Variants in TBCK observed in about 807,000 individuals in gnomAD.
The protein encoded by TBCK is TBC domain-containing protein kinase-like protein.
TBCK carries 99 observed loss-of-function variants against 113.4 expected under a neutral mutation model. The ratio of observed to expected loss-of-function variants is 0.87; its 90% CI spans 0.74 to 1.03. The LOEUF (loss-of-function observed/expected upper bound fraction) is 1.03. Ranked by LOEUF, TBCK falls within the 50% of genes least tolerant of loss-of-function variation. The pLI is 0.00. For missense variants in TBCK, 1,045 were observed against 1,061.3 expected (o/e 0.98, Z 0.21); for synonymous variants, 369 against 370.8 (o/e 1.00, Z 0.05).
intron 23 of TBCK, among the ~76,000 whole-genome samples, chr4:106,120,016 G>A (rs1183516255): frequency 1.1e-4 from 16 of 152,294 alleles, no homozygotes; most frequent in African/African-American, 3.6e-4. Flanking sequence ...CCTGAGCGAC[G>A]CAGAAGATGG....
At chr4:106,259,828 TC>T (rs1762335500) in intron 5 of TBCK, among the ~76,000 whole-genome samples, 2 of 151,860 alleles carry the variant, frequency 1.3e-5, no homozygotes. Flanking sequence ...AACACAGAAA[TC>T]CGTATCAAAA....
At position 106,042,720 on chromosome 4, in the gene TBCK, C is replaced by T. The variant is rs1444057373; in HGVS notation, c.*3850G>A. On this transcript the variant is annotated 3_prime_UTR_variant, in exon 26 of 26. Transcript: ENST00000394708. ...ATTTGGAGGAGGAAAGCACAGGAAT[C>T]CAACAAAAATCTGGCACCACTGTGT... is the stretch of plus-strand genomic sequence containing the variant. 6.6e-6 allele frequency: 1 copy of T among 152,090 alleles called. No individual in the cohort carries two copies. The highest frequency in any genetic ancestry group is 6.5e-5 in the Admixed American group (1 of 15,272). 9.4% of individuals were successfully genotyped at this position (152,090 alleles called of 1,614,324 possible). A position where few individuals can be genotyped will look rare whatever the true frequency, so the allele number is the denominator to read the frequency against.
At position 106,257,043 on chromosome 4, in the gene TBCK, T is replaced by TA. The variant is rs35706528; in HGVS notation, c.455+3393dup. Among the ~76,000 whole-genome samples, 25 of 150,466 alleles carry TA rather than the reference T, an allele frequency of 1.7e-4. No homozygotes were observed. In the East Asian group the frequency reaches 1.9e-3, roughly 12 times the overall value. ...GGATATACTCAGTATAGTTTTGCTT[T>TA]AAAAAAAAAATTCCTATAAAAAATA... On this transcript the variant is annotated intron_variant, in intron 5 of 25. Coordinates refer to ENST00000394708, the MANE Select transcript of TBCK (RefSeq NM_001163435.3).
chr4:106,251,801 T>C, intron 6 of TBCK, 65 bp downstream of exon 6: 5 of 1,341,910 alleles, frequency 3.7e-6, no homozygotes, highest in Non-Finnish European at 4.9e-6. Context: ...AACTTTCCTC[T>C]CCAAAAGATT....
At chr4:106,221,089 A>G (rs945747857) in intron 19 of TBCK, among the ~76,000 whole-genome samples, 2 of 152,208 alleles carry the variant, frequency 1.3e-5, no homozygotes, top group East Asian at 1.9e-4. Context: ...ATGGCTAATT[A>G]AGGATCTGCT....
Position 106,107,123 on chromosome 4 carries a change from C to G in TBCK, c.2411+9080G>C, listed in dbSNP as rs185241141. Among the ~76,000 whole-genome samples, 54 of 152,032 alleles carry G rather than the reference C, an allele frequency of 3.6e-4. 2 individuals are homozygous for G. In the East Asian group the frequency reaches 4.6e-3, roughly 13 times the overall value. ...ATATATGAACCCAATACAGGAGCACCCAGATTCATAAAGCAAGTTCTTAGA... is the reference window on the plus strand; with the variant it reads ...ATATATGAACCCAATACAGGAGCACGCAGATTCATAAAGCAAGTTCTTAGA... On this transcript the variant is annotated intron_variant, in intron 24 of 25. Coordinates refer to ENST00000394708, the MANE Select transcript of TBCK (RefSeq NM_001163435.3).
At chr4:106,059,879 G>A (rs1192578829) in intron 25 of TBCK, among the ~76,000 whole-genome samples, 1 of 151,796 alleles carries the variant, frequency 6.6e-6, no homozygotes, top group Non-Finnish European at 1.5e-5. Context: ...CTACTCCAGT[G>A]AACACACAAA....
intron 23 of TBCK, among the ~76,000 whole-genome samples, chr4:106,162,533 G>A (rs746178011): frequency 2.6e-5 from 4 of 152,110 alleles, no homozygotes; most frequent in Non-Finnish European, 4.4e-5. Flanking sequence ...CTCTGTTAGG[G>A]CTCTGCCTCT....
chr4:106,124,998 T>TA (rs112091698), intron 23 of TBCK, among the ~76,000 whole-genome samples: 2,091 of 105,850 alleles, frequency 0.02, 44 homozygotes, highest in African/African-American at 0.057. Context: ...ACTTAAAGTA[T>TA]AAAAAAAAAA....
chr4:106,267,856 T>C (rs542028671), intron 3 of TBCK, among the ~76,000 whole-genome samples: 1 of 152,138 alleles, frequency 6.6e-6, no homozygotes, highest in Non-Finnish European at 1.5e-5. Context: ...CATCTCTAGT[T>C]GTTGGTTAAA....
intron 25 of TBCK, among the ~76,000 whole-genome samples, chr4:106,094,888 T>C (rs1740733817): frequency 6.6e-6 from 1 of 152,234 alleles, no homozygotes; most frequent in Non-Finnish European, 1.5e-5. Context: ...TGTTTTTAAG[T>C]AAGTCCATTT....
At chr4:106,304,697 A>G (rs1244815906) in intron 2 of TBCK, among the ~76,000 whole-genome samples, 15 of 152,288 alleles carry the variant, frequency 9.8e-5, no homozygotes, top group African/African-American at 3.6e-4. Flanking sequence ...CCACTTTGAC[A>G]TAAGGATTTT....
chr4:106,059,599 T>G (rs1735808684), intron 25 of TBCK, among the ~76,000 whole-genome samples: 1 of 151,730 alleles, frequency 6.6e-6, no homozygotes, highest in African/African-American at 2.4e-5. Context: ...TTTCTGTTTC[T>G]CTCCTTCTCC....
chr4:106,285,789 C>A (rs972904562), intron 3 of TBCK, among the ~76,000 whole-genome samples: 3 of 152,124 alleles, frequency 2.0e-5, no homozygotes, highest in African/African-American at 7.2e-5. Context: ...TTTACATCAG[C>A]CCTTCTTGCA....
intron 10 of TBCK, among the ~76,000 whole-genome samples, chr4:106,246,628 A>G (rs1579382946): frequency 6.6e-6 from 1 of 152,046 alleles, no homozygotes; most frequent in Non-Finnish European, 1.5e-5. Context: ...ACTTGTTTAA[A>G]GGCTAGAGGC....
chr4:106,173,664 C>T (rs995637826), intron 22 of TBCK, among the ~76,000 whole-genome samples: 2 of 152,066 alleles, frequency 1.3e-5, no homozygotes, highest in Non-Finnish European at 2.9e-5. Flanking sequence ...GCATCCATCC[C>T]GATTCTACCC....
intron 25 of TBCK, among the ~76,000 whole-genome samples, chr4:106,078,383 G>T (rs184832355): frequency 2.4e-4 from 37 of 152,110 alleles, no homozygotes; most frequent in African/African-American, 8.4e-4. Context: ...GATTGAAACT[G>T]CTAATTAATT....
intron 20 of TBCK, among the ~76,000 whole-genome samples, chr4:106,195,705 T>C (rs1403483730): frequency 6.6e-6 from 1 of 152,044 alleles, no homozygotes; most frequent in East Asian, 1.9e-4. Flanking sequence ...TTCCCCTGCC[T>C]TTAGACTGGG....
chr4:106,270,402 T>C (rs574048469), intron 3 of TBCK, among the ~76,000 whole-genome samples: 1 of 152,306 alleles, frequency 6.6e-6, no homozygotes, highest in South Asian at 2.1e-4. Context: ...TTTGTCATCA[T>C]AGTCACTAAT....
Sources: allele counts gnomAD v4.1 joint callset (sites outside exome capture counted in the v4.1 genomes callset), GRCh38; gene constraint gnomAD v4.1.1; transcripts MANE v1.5; gene names NCBI Gene and HGNC (gene_info 2026-07-23, HGNC 2026-07-21).